The following SLC38A1 variants were observed in gnomAD, a reference collection of about 807,000 sequenced individuals.
The protein encoded by SLC38A1 is solute carrier family 38 member 1.
In SLC38A1, 18 loss-of-function variants were observed where a neutral mutation model predicts 60.3. The observed-to-expected ratio is 0.30, with a 90% CI of 0.21 to 0.44. SLC38A1 has a LOEUF of 0.44. SLC38A1 is among the 20% of genes least tolerant of loss of function. SLC38A1 has a pLI of 1.00. For missense variants in SLC38A1, 448 were observed against 587.2 expected (o/e 0.76, Z 2.45); for synonymous variants, 196 against 212.1 (o/e 0.92, Z 0.66).
At chr12:46,189,483 C>G (rs180823933) in intron 16 of SLC38A1, among the ~76,000 whole-genome samples, 178 of 152,170 alleles carry the variant, frequency 1.2e-3, no homozygotes, top group African/African-American at 4.2e-3. Flanking sequence ...GGCAAGCAAA[C>G]ATTTCTGTTT....
chr12:46,256,878 C>T (rs1592154822), intron 1 of SLC38A1, among the ~76,000 whole-genome samples: 1 of 152,204 alleles, frequency 6.6e-6, no homozygotes, highest in East Asian at 1.9e-4. Flanking sequence ...ACTGGCAAGG[C>T]TCAAACTTGC....
intron 5 of SLC38A1, among the ~76,000 whole-genome samples, chr12:46,218,803 T>G (rs976021225): frequency 2.6e-5 from 4 of 151,402 alleles, no homozygotes; most frequent in Non-Finnish European, 4.4e-5. Context: ...AAGTGGGGAG[T>G]GATGATTGGT....
Position 46,211,650 on chromosome 12 carries a change from G to A in SLC38A1, c.315-2523C>T, listed in dbSNP as rs149469097. On this transcript the variant is annotated intron_variant, in intron 5 of 16. Transcript: ENST00000398637. Reference sequence around the variant, plus strand: ...AACTGCTATCCCCCCTTTTCAAGCCGGAGAAAAGTGTTGATTAGGGAAGAT... The same window carrying A: ...AACTGCTATCCCCCCTTTTCAAGCCAGAGAAAAGTGTTGATTAGGGAAGAT... Among the ~76,000 whole-genome samples the A allele has an allele frequency of 1.3e-3, 203 of 152,202 alleles. 3 individuals are homozygous for A. Among genetic ancestry groups the A allele is most frequent in the African/African-American group, 4.1e-3 (169 of 41,528 alleles).
At chr12:46,230,113 C>G (rs879544805) in intron 3 of SLC38A1, among the ~76,000 whole-genome samples, 1 of 152,144 alleles carries the variant, frequency 6.6e-6, no homozygotes, top group Non-Finnish European at 1.5e-5. Flanking sequence ...TAAAAGGATA[C>G]TAGAGGCAAG....
At chr12:46,192,781 C>A (rs1180359512) in intron 16 of SLC38A1, among the ~76,000 whole-genome samples, 1 of 151,904 alleles carries the variant, frequency 6.6e-6, no homozygotes, top group South Asian at 2.1e-4. Flanking sequence ...TGGTGATATC[C>A]CCTTTATCAT....
intron 5 of SLC38A1, 86 bp downstream of exon 5, chr12:46,229,067 A>G: frequency 2.8e-6 from 2 of 723,412 alleles, no homozygotes; most frequent in East Asian, 5.6e-5. Context: ...ACTATTTATA[A>G]ATATTTCACA....
At position 46,254,888 on chromosome 12, in the gene SLC38A1, C is replaced by A. The variant is rs974750903; in HGVS notation, c.-208-11574G>T. On this transcript the variant is annotated intron_variant, in intron 1 of 16. Transcript: ENST00000398637. ...TCCAAATTTTGTTCAGAGGAGTATA[C>A]TTTACATAATTGCTACAAGCTGTAA... is the stretch of plus-strand genomic sequence containing the variant. 1.6e-4 allele frequency: 25 copies of A among 152,962 alleles called. 1 individual carries two copies. Among genetic ancestry groups the A allele is most frequent in the Non-Finnish European group, 2.5e-4 (17 of 68,038 alleles). The allele number at this position is 152,962 out of a possible 1,614,324, so 9.5% of individuals were successfully genotyped here.
chr12:46,196,182 CG>C, intron 16 of SLC38A1: 1 of 1,536,040 alleles, frequency 6.5e-7, no homozygotes, highest in African/African-American at 1.4e-5. Flanking sequence ...AAGTTCCTTG[CG>C]CTTGAGCATG....
chr12:46,201,367 T>C (rs1428512877), intron 12 of SLC38A1, among the ~76,000 whole-genome samples, 169 bp from the exon 13 acceptor site: 1 of 152,230 alleles, frequency 6.6e-6, no homozygotes, highest in Non-Finnish European at 1.5e-5. Context: ...TCTCTTATAC[T>C]GAATTGGTAT....
chr12:46,190,972 A>G (rs1179122799), intron 16 of SLC38A1, among the ~76,000 whole-genome samples: 1 of 152,074 alleles, frequency 6.6e-6, no homozygotes, highest in Non-Finnish European at 1.5e-5. Flanking sequence ...TTTTGTTGCC[A>G]TTGCTTTTTG....
intron 2 of SLC38A1, among the ~76,000 whole-genome samples, chr12:46,240,423 T>C (rs1445389727): frequency 6.6e-6 from 1 of 152,204 alleles, no homozygotes; most frequent in Non-Finnish European, 1.5e-5. Context: ...CTCAAACTAC[T>C]GACCTCAGGT....
chr12:46,213,174 G>A (rs528041170), intron 5 of SLC38A1, among the ~76,000 whole-genome samples: 1 of 152,174 alleles, frequency 6.6e-6, no homozygotes, highest in Non-Finnish European at 1.5e-5. Flanking sequence ...AAGCATGATA[G>A]GATTTTTAAT....
chr12:46,259,187 G>T (rs1400930391), intron 1 of SLC38A1, among the ~76,000 whole-genome samples: 1 of 152,196 alleles, frequency 6.6e-6, no homozygotes, highest in African/African-American at 2.4e-5. Flanking sequence ...CGGAGAAAGT[G>T]TTAAGCCTAA....
chr12:46,196,097 G>T, intron 16 of SLC38A1: 1 of 1,518,728 alleles, frequency 6.6e-7, no homozygotes, highest in Non-Finnish European at 8.8e-7. Context: ...GCAACCTCAG[G>T]TATTTCTTTA....
intron 5 of SLC38A1, among the ~76,000 whole-genome samples, chr12:46,218,715 T>C (rs948876876): frequency 1.3e-5 from 2 of 152,188 alleles, no homozygotes; most frequent in Non-Finnish European, 2.9e-5. Context: ...ACCGGAGTTT[T>C]ATTATTACTC....
chr12:46,221,946 G>A (rs1207885074), intron 5 of SLC38A1, among the ~76,000 whole-genome samples: 32 of 152,156 alleles, frequency 2.1e-4, no homozygotes, highest in Admixed American at 2.1e-3. Flanking sequence ...ACAGAGATGA[G>A]ACAGGGTACG....
intron 14 of SLC38A1, 27 bp downstream of exon 14, chr12:46,198,598 T>C: frequency 6.8e-7 from 1 of 1,473,532 alleles, no homozygotes; most frequent in Non-Finnish European, 9.3e-7. Context: ...TCAGCTTTTC[T>C]CATATTGCAC....
chr12:46,212,570 C>T (rs561515951), intron 5 of SLC38A1, among the ~76,000 whole-genome samples: 16 of 152,150 alleles, frequency 1.1e-4, no homozygotes, highest in Non-Finnish European at 1.5e-4. Context: ...GTTAGAATTG[C>T]GAATAATGTG....
chr12:46,263,099 T>A lies in SLC38A1; in HGVS notation c.-209+5427A>T, dbSNP rs59311695. Reference sequence around the variant, plus strand: ...GACATTGGAACAAACTGGGGAGCTTTAAAAAAATAAAAGTGATAAGGGGAC... The same window carrying A: ...GACATTGGAACAAACTGGGGAGCTTAAAAAAAATAAAAGTGATAAGGGGAC... On this transcript the variant is annotated intron_variant, in intron 1 of 16. Transcript: ENST00000398637. Among the ~76,000 whole-genome samples, 231 of 152,234 alleles carry A rather than the reference T, an allele frequency of 1.5e-3. 1 individual carries two copies. Among genetic ancestry groups the A allele is most frequent in the African/African-American group, 5.1e-3 (212 of 41,534 alleles).
Sources: allele counts gnomAD v4.1 joint callset (sites outside exome capture counted in the v4.1 genomes callset), GRCh38; gene constraint gnomAD v4.1.1; transcripts MANE v1.5; gene names NCBI Gene and HGNC (gene_info 2026-07-23, HGNC 2026-07-21).